ZDHHC14: variants seen among roughly 807,000 people sequenced by gnomAD.
The protein encoded by ZDHHC14 is palmitoyltransferase ZDHHC14.
A neutral mutation model predicts 47.7 loss-of-function variants in ZDHHC14; 16 were observed. The ratio of observed to expected loss-of-function variants is 0.34; its 90% CI spans 0.23 to 0.51. ZDHHC14 has a LOEUF of 0.51. Among genes scored for constraint, ZDHHC14 ranks in the 20% least tolerant of loss-of-function variants. The pLI is 0.97. For synonymous variants in ZDHHC14, 293 were observed against 278.9 expected (o/e 1.05, Z -0.50); for missense variants, 515 against 662.5 (o/e 0.78, Z 2.44).
chr6:157,584,156 C>T (rs1288896810), intron 2 of ZDHHC14, among the ~76,000 whole-genome samples: 1 of 151,410 alleles, frequency 6.6e-6, no homozygotes, highest in Admixed American at 6.6e-5. Context: ...AGGAGCTGCA[C>T]CTCAGAGAAC....
Position 157,402,283 on chromosome 6 carries a change from G to T in ZDHHC14, c.245+20017G>T, listed in dbSNP as rs113075287. On this transcript the variant is annotated intron_variant, in intron 1 of 8. Coordinates refer to ENST00000359775, the MANE Select transcript of ZDHHC14 (RefSeq NM_024630.3). ...CAGTAGTGAGGTGCACACCTGCTGA[G>T]GTCTCAGCTGCAGTAGTGAGATATG... 4.0e-3 allele frequency among the ~76,000 whole-genome samples: 602 copies of T among 151,356 alleles called. 4 individuals carry two copies. The highest frequency in any genetic ancestry group is 0.014 in the African/African-American group (589 of 41,196).
At chr6:157,432,859 C>T (rs1778364920) in intron 1 of ZDHHC14, among the ~76,000 whole-genome samples, 1 of 152,196 alleles carries the variant, frequency 6.6e-6, no homozygotes, top group Non-Finnish European at 1.5e-5. Context: ...TTGCCAGGTA[C>T]TGTTGACATT....
At chr6:157,579,450 G>C (rs914273492) in intron 2 of ZDHHC14, among the ~76,000 whole-genome samples, 4 of 152,030 alleles carry the variant, frequency 2.6e-5, no homozygotes, top group Non-Finnish European at 5.9e-5. Flanking sequence ...GCCCACCTCA[G>C]CCTCCCAAAG....
At chr6:157,618,145 G>A (rs1785039696) in intron 3 of ZDHHC14, among the ~76,000 whole-genome samples, 1 of 152,176 alleles carries the variant, frequency 6.6e-6, no homozygotes, top group Non-Finnish European at 1.5e-5. Context: ...ACCCAAAGAT[G>A]GCGTAAGGTC....
chr6:157,482,138 C>A (rs1214950163), intron 1 of ZDHHC14, among the ~76,000 whole-genome samples: 1 of 151,984 alleles, frequency 6.6e-6, no homozygotes, highest in Non-Finnish European at 1.5e-5. Context: ...CTGAGAGTTG[C>A]GGTTTTCTGG....
intron 1 of ZDHHC14, among the ~76,000 whole-genome samples, chr6:157,414,890 T>G (rs1367597217): frequency 6.6e-6 from 1 of 150,854 alleles, no homozygotes; most frequent in Non-Finnish European, 1.5e-5. Context: ...CTGTTCTTTC[T>G]CCTTGCCTGT....
intron 1 of ZDHHC14, among the ~76,000 whole-genome samples, chr6:157,414,419 T>C (rs1777933096): frequency 6.6e-6 from 1 of 152,212 alleles, no homozygotes; most frequent in African/African-American, 2.4e-5. Context: ...AAAACCATGG[T>C]GCCACCCTTC....
At chr6:157,416,976 T>TTTG (rs1249658826) in intron 1 of ZDHHC14, among the ~76,000 whole-genome samples, 5 of 102,852 alleles carry the variant, frequency 4.9e-5, no homozygotes, top group Non-Finnish European at 6.7e-5. Context: ...TGGCTAGTTT[T>TTTG]TTTTTTTTTT....
chr6:157,542,889 G>C, intron 2 of ZDHHC14, 144 bp downstream of exon 2: 1 of 1,057,096 alleles, frequency 9.5e-7, no homozygotes, highest in Non-Finnish European at 1.3e-6. Context: ...TAGCTCGCTG[G>C]GTGGGCAGGA....
chr6:157,665,429 C>G (rs1157399264), intron 8 of ZDHHC14, among the ~76,000 whole-genome samples: 1 of 152,164 alleles, frequency 6.6e-6, no homozygotes, highest in African/African-American at 2.4e-5. Context: ...ACAGATTTAG[C>G]ATCAGACTCA....
chr6:157,562,945 C>T (rs1048178259), intron 2 of ZDHHC14, among the ~76,000 whole-genome samples: 1 of 152,068 alleles, frequency 6.6e-6, no homozygotes, highest in Non-Finnish European at 1.5e-5. Flanking sequence ...CCCACCCCTG[C>T]CCTGCAAGAG....
chr6:157,613,807 G>C (rs1784845117), intron 3 of ZDHHC14, among the ~76,000 whole-genome samples: 1 of 152,138 alleles, frequency 6.6e-6, no homozygotes, highest in Admixed American at 6.5e-5. Flanking sequence ...TAAAATGTGT[G>C]AGTGCACGAG....
At chr6:157,395,867 T>A (rs1339329413) in intron 1 of ZDHHC14, among the ~76,000 whole-genome samples, 3 of 152,158 alleles carry the variant, frequency 2.0e-5, no homozygotes, top group African/African-American at 7.2e-5. Flanking sequence ...CATATGCCTA[T>A]TGGGAAACTA....
chr6:157,398,741 C>G (rs149047061), intron 1 of ZDHHC14, among the ~76,000 whole-genome samples: 1 of 152,298 alleles, frequency 6.6e-6, no homozygotes, highest in East Asian at 1.9e-4. Context: ...TTTTGTAATA[C>G]ATTTTGCCAT....
Position 157,511,594 on chromosome 6 carries a change from G to T in ZDHHC14, c.246-30991G>T, listed in dbSNP as rs564596112. 4.2e-5 allele frequency among the ~76,000 whole-genome samples: 6 copies of T among 142,516 alleles called. No individual in the cohort carries two copies. In the East Asian group the frequency reaches 1.2e-3, roughly 29 times the overall value. 93.5% of individuals were successfully genotyped at this position (142,516 alleles called of 152,430 possible). A position where few individuals can be genotyped will look rare whatever the true frequency, so the allele number is the denominator to read the frequency against. ...TTTTTAGTAGAGACGGGGTTTCTCCGTGTTGGTCAGGCTGGTCTCGAACTC... is the reference window on the plus strand; with the variant it reads ...TTTTTAGTAGAGACGGGGTTTCTCCTTGTTGGTCAGGCTGGTCTCGAACTC... On this transcript the variant is annotated intron_variant, in intron 1 of 8. Coordinates refer to ENST00000359775, the MANE Select transcript of ZDHHC14 (RefSeq NM_024630.3).
At chr6:157,592,741 G>T in intron 2 of ZDHHC14, 1 of 1,249,008 alleles carries the variant, frequency 8.0e-7, no homozygotes, top group Middle Eastern at 3.1e-4. Flanking sequence ...TGGCTGGGTG[G>T]GGCCATGTGT....
chr6:157,394,812 C>G (rs1007788895), intron 1 of ZDHHC14, among the ~76,000 whole-genome samples: 3 of 152,098 alleles, frequency 2.0e-5, no homozygotes, highest in Non-Finnish European at 4.4e-5. Context: ...CAGAACGTCT[C>G]AAATGAAGTG....
intron 5 of ZDHHC14, among the ~76,000 whole-genome samples, chr6:157,643,928 G>T: frequency 6.6e-6 from 1 of 151,896 alleles, no homozygotes; most frequent in African/African-American, 2.4e-5. Context: ...TTCTAGGATT[G>T]CAGTTTGGTT....
intron 1 of ZDHHC14, among the ~76,000 whole-genome samples, chr6:157,391,812 C>T (rs1044261512): frequency 6.6e-6 from 1 of 152,136 alleles, no homozygotes; most frequent in Non-Finnish European, 1.5e-5. Flanking sequence ...GGCTTGTTCT[C>T]ATTGTTAGAG....
Sources: allele counts gnomAD v4.1 joint callset (sites outside exome capture counted in the v4.1 genomes callset), GRCh38; gene constraint gnomAD v4.1.1; transcripts MANE v1.5; gene names NCBI Gene and HGNC (gene_info 2026-07-23, HGNC 2026-07-21).